The following ACOT9 variants were observed in gnomAD, a reference collection of about 807,000 sequenced individuals.
The protein encoded by ACOT9 is acyl-CoA thioesterase 9, also known as acyl-coenzyme A thioesterase 9, mitochondrial.
A neutral mutation model predicts 39.7 loss-of-function variants in ACOT9; 34 were observed. The observed-to-expected ratio is 0.86, with a 90% CI of 0.65 to 1.14. The LOEUF (loss-of-function observed/expected upper bound fraction) is 1.14. Ranked by LOEUF, ACOT9 falls within the 50% of genes most tolerant of loss-of-function variation. ACOT9 has a pLI of 0.00. For missense variants in ACOT9, 313 were observed against 344.1 expected, an observed-to-expected ratio of 0.91 and a Z score of 0.71; for synonymous variants, 110 against 120.5, an observed-to-expected ratio of 0.91 and a Z score of 0.57.
chrX:23,721,838 T>C (rs1326283778), intron 8 of ACOT9, 43 bp downstream of exon 8: 1 of 1,083,208 alleles, frequency 9.2e-7, no homozygotes, highest in Non-Finnish European at 1.3e-6. Context: ...GGAGACTAGC[T>C]GGTTTTACTT....
intron 7 of ACOT9, 137 bp from the exon 8 acceptor site, chrX:23,722,121 C>A: frequency 2.5e-6 from 1 of 400,738 alleles, no homozygotes; most frequent in Non-Finnish European, 4.3e-6. Context: ...TTTTGACACG[C>A]AGAAGAAATC....
At chrX:23,733,909 G>C (rs1929845094) in intron 3 of ACOT9, among the ~76,000 whole-genome samples, 1 of 111,997 alleles carries the variant, frequency 8.9e-6, no homozygotes, top group African/African-American at 3.2e-5. Flanking sequence ...TTGCAGGCAG[G>C]CATCACCATG....
chrX:23,723,103 GAAAC>G (rs987686281), intron 6 of ACOT9, among the ~76,000 whole-genome samples: 8 of 111,378 alleles, frequency 7.2e-5, no homozygotes, highest in African/African-American at 2.6e-4. Context: ...TCAGGAAAGA[GAAAC>G]AAAGCACAAG....
intron 6 of ACOT9, among the ~76,000 whole-genome samples, chrX:23,724,192 G>A (rs949959086): frequency 1.8e-5 from 2 of 110,804 alleles, no homozygotes; most frequent in Admixed American, 9.7e-5. Context: ...AACCCAGGAG[G>A]TCAAGACTGT....
At chrX:23,706,778 T>G in intron 10 of ACOT9, 39 bp from the exon 11 acceptor site, 1 of 859,595 alleles carries the variant, frequency 1.2e-6, no homozygotes, top group Non-Finnish European at 1.7e-6. Context: ...ATCAGGACGG[T>G]CGCACTACAG....
chrX:23,707,762 C>CA (rs1928750299), intron 10 of ACOT9, 115 bp downstream of exon 10: 23 of 502,991 alleles, frequency 4.6e-5, no homozygotes, highest in Non-Finnish European at 6.6e-5. Flanking sequence ...AAAAAACAAA[C>CA]AAAAAAAAGA....
At position 23,743,270 on chromosome X, in the gene ACOT9, G is replaced by C. The variant is rs1167642743; in HGVS notation, c.-126C>G. The C allele has an allele frequency of 2.2e-5, 19 of 855,809 alleles. No homozygotes were observed. Among genetic ancestry groups the C allele is most frequent in the Non-Finnish European group, 2.6e-5 (17 of 650,587 alleles). 70.5% of individuals were successfully genotyped at this position (855,809 alleles called of 1,213,427 possible). A position where few individuals can be genotyped will look rare whatever the true frequency, so the allele number is the denominator to read the frequency against. ...CCTTGCTGAGGACAGCCCGGGAGCCGGACAGCGGTGTCCGGGGGCGGGACC... is the reference window on the plus strand; with the variant it reads ...CCTTGCTGAGGACAGCCCGGGAGCCCGACAGCGGTGTCCGGGGGCGGGACC... On this transcript the variant is annotated 5_prime_UTR_variant, in exon 1 of 16. Transcript: ENST00000379303.
chrX:23,710,056 T>A (rs1601805952), intron 9 of ACOT9, among the ~76,000 whole-genome samples: 1 of 111,336 alleles, frequency 9.0e-6, no homozygotes, highest in African/African-American at 3.3e-5. Flanking sequence ...ACCTGGCTAA[T>A]TTTTTTGTAC....
intron 6 of ACOT9, among the ~76,000 whole-genome samples, chrX:23,729,910 C>T (rs927515454): frequency 3.6e-5 from 4 of 111,376 alleles, no homozygotes; most frequent in Non-Finnish European, 7.5e-5. Context: ...GGATTATAGG[C>T]GTGAGCCACC....
intron 11 of ACOT9, 66 bp from the exon 12 acceptor site, chrX:23,705,924 T>C (rs1487151795): frequency 7.4e-6 from 7 of 946,716 alleles, no homozygotes; most frequent in South Asian, 2.0e-5. Flanking sequence ...AGTAAAAACA[T>C]TTGCAAGTCA....
chrX:23,719,608 G>A (rs1471796748), intron 8 of ACOT9, among the ~76,000 whole-genome samples: 1 of 110,954 alleles, frequency 9.0e-6, no homozygotes, highest in Admixed American at 9.7e-5. Flanking sequence ...CTCCGCCTCA[G>A]ATCATCGGGC....
intron 4 of ACOT9, among the ~76,000 whole-genome samples, chrX:23,731,984 C>T (rs1051753275): frequency 1.8e-5 from 2 of 111,677 alleles, no homozygotes; most frequent in African/African-American, 3.2e-5. Context: ...GAAATGTTTA[C>T]CCTACAAAAA....
chrX:23,732,363 T>A (rs975968534), intron 4 of ACOT9, among the ~76,000 whole-genome samples: 1 of 112,159 alleles, frequency 8.9e-6, no homozygotes, highest in African/African-American at 3.2e-5. Context: ...AAGCGAAGGC[T>A]GGTTTTATAA....
At chrX:23,705,664 T>G in intron 12 of ACOT9, 70 bp from the exon 13 acceptor site, 1 of 1,122,776 alleles carries the variant, frequency 8.9e-7, no homozygotes, top group Non-Finnish European at 1.2e-6. Context: ...ACAGAGGAAT[T>G]AACAATGCCA....
In ACOT9 at chrX:23,733,268, C is replaced by T. The variant is rs376006665; in HGVS notation, c.146-51G>A. 110 of 1,065,637 alleles carry T rather than the reference C, an allele frequency of 1.0e-4. 1 individual carries two copies. The highest frequency in any genetic ancestry group is 2.6e-4 in the Middle Eastern group (1 of 3,879). 87.8% of individuals were successfully genotyped at this position (1,065,637 alleles called of 1,213,427 possible). A position where few individuals can be genotyped will look rare whatever the true frequency, so the allele number is the denominator to read the frequency against. On this transcript the variant is annotated intron_variant, in intron 3 of 15. Transcript: ENST00000379303. The stretch of plus-strand genomic sequence containing the variant: ...CCATGAAACAAAGAAATATGAGAAA[C>T]GGATTATGGCAATGAGCTCAAGAAC...
chrX:23,711,560 A>G (rs767270061), intron 9 of ACOT9, among the ~76,000 whole-genome samples: 43 of 111,486 alleles, frequency 3.9e-4, no homozygotes, highest in Admixed American at 2.5e-3. Flanking sequence ...CATAGAAGGA[A>G]TGACAAAATT....
chrX:23,729,852 C>T (rs1477974007), intron 6 of ACOT9, among the ~76,000 whole-genome samples: 2 of 110,874 alleles, frequency 1.8e-5, no homozygotes, highest in South Asian at 3.7e-4. Flanking sequence ...AGGATGGTCT[C>T]GATCTCCTGA....
intron 8 of ACOT9, among the ~76,000 whole-genome samples, chrX:23,720,649 G>C (rs1929287251): frequency 9.0e-6 from 1 of 111,613 alleles, no homozygotes. Flanking sequence ...ACAGGTTTTA[G>C]AGGGAACATG....
chrX:23,719,099 G>A (rs750507282), intron 8 of ACOT9, among the ~76,000 whole-genome samples: 119 of 108,288 alleles, frequency 1.1e-3, no homozygotes, highest in Non-Finnish European at 1.2e-3. Context: ...GTAAAACCCC[G>A]TCTCTACTAA....
Sources: gnomAD v4.1 joint callset for allele counts (sites outside exome capture counted in the v4.1 genomes callset) on GRCh38, gnomAD v4.1.1 for gene constraint, MANE v1.5 for transcripts, NCBI Gene and HGNC (gene_info 2026-07-23, HGNC 2026-07-21) for gene names.